The following SNX31 variants were observed in gnomAD, a reference collection of about 807,000 sequenced individuals.
SNX31 encodes sorting nexin-31.
A neutral mutation model predicts 65.4 loss-of-function variants in SNX31; 58 were observed. The observed-to-expected ratio is 0.89, with a 90% CI of 0.72 to 1.10. SNX31 has a LOEUF of 1.10. Ranked by LOEUF, SNX31 falls within the 50% of genes least tolerant of loss-of-function variation. The probability of loss-of-function intolerance (pLI) is 0.00; values close to 1 mark genes in which losing one functional copy is unlikely to be tolerated. For synonymous variants in SNX31, 181 were observed against 190.1 expected, an observed-to-expected ratio of 0.95 and a Z score of 0.39; for missense variants, 523 against 529.7, an observed-to-expected ratio of 0.99 and a Z score of 0.12.
intron 2 of SNX31, 135 bp downstream of exon 2, chr8:100,649,139 C>G (rs1819851614): frequency 1.3e-6 from 1 of 768,564 alleles, no homozygotes; most frequent in South Asian, 1.6e-5. Flanking sequence ...TTACCAGGAC[C>G]CTGTTTCACA....
chr8:100,581,326 T>TATATCTAC (rs1813503542), intron 12 of SNX31, among the ~76,000 whole-genome samples: 1 of 105,488 alleles, frequency 9.5e-6, no homozygotes, highest in African/African-American at 5.8e-5. Flanking sequence ...TATCTATATC[T>TATATCTAC]ATCTATCTAT....
chr8:100,641,767 G>A (rs563563361), intron 2 of SNX31, among the ~76,000 whole-genome samples: 231 of 146,204 alleles, frequency 1.6e-3, no homozygotes, highest in African/African-American at 5.3e-3. Flanking sequence ...CCAGGCTAGA[G>A]TACGATTAAA....
Position 100,625,392 on chromosome 8 carries a change from C to T in SNX31, c.321+4935G>A, listed in dbSNP as rs1239838997. ...GTCCACATATGGATTTTCTTGGATG[C>T]GCACCATGGCTATTAGACATTCCTC... On this transcript the variant is annotated intron_variant, in intron 4 of 13. Transcript: ENST00000311812. This position sits in a 1 kb window ranked among gnomAD's most constrained non-coding sequence, Gnocchi z 4.2. Among the ~76,000 whole-genome samples, 1 of 151,800 alleles carries T rather than the reference C, an allele frequency of 6.6e-6. No homozygotes were observed. The highest frequency in any genetic ancestry group is 2.1e-4 in the South Asian group (1 of 4,788).
At chr8:100,603,437 C>A (rs1167991879) in intron 8 of SNX31, among the ~76,000 whole-genome samples, 1 of 141,708 alleles carries the variant, frequency 7.1e-6, no homozygotes, top group African/African-American at 2.6e-5. Flanking sequence ...GTTTCATTAC[C>A]TTTTTTTTTT....
chr8:100,591,959 G>A (rs1814627030), intron 10 of SNX31, among the ~76,000 whole-genome samples: 1 of 152,152 alleles, frequency 6.6e-6, no homozygotes. Context: ...CGTTTAGCAT[G>A]CCACAAAAAA....
At chr8:100,661,328 T>G (rs1809784344) in intron 1 of SNX31, among the ~76,000 whole-genome samples, 1 of 151,758 alleles carries the variant, frequency 6.6e-6, no homozygotes, top group African/African-American at 2.4e-5. Flanking sequence ...TATTATAAGT[T>G]CCATATTACT....
At chr8:100,651,384 G>C (rs1819968314), upstream of SNX31, among the ~76,000 whole-genome samples, 1 of 152,164 alleles carries the variant, frequency 6.6e-6, no homozygotes, top group Non-Finnish European at 1.5e-5. Context: ...GAGCATTTTG[G>C]TCAGACCCAG....
In SNX31 at chr8:100,636,519, C is replaced by T. The variant is rs28627693; in HGVS notation, c.142-508G>A. ...TGAGATGTGTTGTAGGTGTAAAATACATTCCAAATTTCAAAGAAAAGAGAA... is the reference window on the plus strand; with the variant it reads ...TGAGATGTGTTGTAGGTGTAAAATATATTCCAAATTTCAAAGAAAAGAGAA... On this transcript the variant is annotated intron_variant, in intron 2 of 13. Transcript: ENST00000311812. Among the ~76,000 whole-genome samples the T allele has an allele frequency of 7.9e-3, 1,204 of 152,288 alleles. 19 individuals are homozygous for T. The highest frequency in any genetic ancestry group is 0.028 in the African/African-American group (1,158 of 41,548).
chr8:100,584,024 G>C, intron 12 of SNX31, 87 bp downstream of exon 12: 3 of 1,195,242 alleles, frequency 2.5e-6, no homozygotes, highest in Middle Eastern at 3.8e-4. Context: ...TGCTGGCTCA[G>C]GGAGCTCATG....
chr8:100,627,091 C>T (rs770428280), intron 4 of SNX31, among the ~76,000 whole-genome samples: 10 of 152,148 alleles, frequency 6.6e-5, no homozygotes, highest in African/African-American at 9.7e-5. Context: ...CAGTGGCTCA[C>T]GTCTGTAATC....
At chr8:100,617,543 C>G (rs1362519830) in intron 5 of SNX31, 77 bp downstream of exon 5, 1 of 1,006,416 alleles carries the variant, frequency 9.9e-7, no homozygotes, top group East Asian at 2.4e-5. Context: ...TGGAAGGTAA[C>G]CGTATCCCAT....
chr8:100,657,916 C>CA (rs1446781501), intron 1 of SNX31: 1 of 361,410 alleles, frequency 2.8e-6, no homozygotes, highest in East Asian at 7.4e-5. Context: ...ACAACAACAA[C>CA]AACAAACAAC....
chr8:100,633,851 T>C (rs1587031623), intron 3 of SNX31, among the ~76,000 whole-genome samples: 1 of 152,282 alleles, frequency 6.6e-6, no homozygotes, highest in East Asian at 1.9e-4. Context: ...AGCATTATGT[T>C]TGCAACTTTT....
chr8:100,624,579 G>A (rs1817920238), intron 4 of SNX31, among the ~76,000 whole-genome samples: 1 of 152,180 alleles, frequency 6.6e-6, no homozygotes, highest in Non-Finnish European at 1.5e-5. Flanking sequence ...AGATCTTGGT[G>A]TGATGAGACC....
At chr8:100,579,946 G>T (rs531748174) in intron 12 of SNX31, among the ~76,000 whole-genome samples, 2 of 152,070 alleles carry the variant, frequency 1.3e-5, no homozygotes, top group South Asian at 4.2e-4. Flanking sequence ...GATTGCTTAA[G>T]CTCAGGAGTT....
At chr8:100,581,337 CTATA>C (rs57664831) in intron 12 of SNX31, among the ~76,000 whole-genome samples, 4 of 125,466 alleles carry the variant, frequency 3.2e-5, no homozygotes, top group South Asian at 4.6e-4. Context: ...ATCTATCTAT[CTATA>C]TATATATATA....
chr8:100,592,860 AG>A (rs1814707798), intron 10 of SNX31, among the ~76,000 whole-genome samples: 1 of 152,244 alleles, frequency 6.6e-6, no homozygotes, highest in African/African-American at 2.4e-5. Flanking sequence ...TAAAAAAGCT[AG>A]TCACAAGGAT....
intron 2 of SNX31, among the ~76,000 whole-genome samples, chr8:100,636,478 C>T (rs892945505): frequency 3.3e-5 from 5 of 152,148 alleles, no homozygotes; most frequent in Admixed American, 1.3e-4. Flanking sequence ...AGCACTTGAA[C>T]GTCGCTAGTT....
intron 13 of SNX31, among the ~76,000 whole-genome samples, chr8:100,574,630 TA>T (rs34042673): frequency 0.027 from 3,543 of 132,018 alleles, 155 homozygotes; most frequent in African/African-American, 0.091. Flanking sequence ...AGACTCCGTC[TA>T]AAAAAAAAAA....
Sources: gnomAD v4.1 joint callset for allele counts (sites outside exome capture counted in the v4.1 genomes callset) on GRCh38, gnomAD v4.1.1 for gene constraint, Gnocchi (gnomAD v3.1) non-coding constraint, MANE v1.5 for transcripts, NCBI Gene and HGNC (gene_info 2026-07-23, HGNC 2026-07-21) for gene names.